The following DNAH10 variants were observed in gnomAD, a reference collection of about 807,000 sequenced individuals.
DNAH10 encodes dynein axonemal heavy chain 10, also known as axonemal beta dynein heavy chain 10.
A neutral mutation model predicts 506.6 loss-of-function variants in DNAH10; 348 were observed. The ratio of observed to expected loss-of-function variants is 0.69; its 90% CI spans 0.63 to 0.75. The LOEUF (loss-of-function observed/expected upper bound fraction) is 0.75, where lower values mean the gene tolerates loss of function less well. Ranked by LOEUF, DNAH10 falls within the 30% of genes least tolerant of loss-of-function variation. The pLI is 0.00. For missense variants in DNAH10, 5,179 were observed against 5,787.1 expected (o/e 0.89, Z 3.41); for synonymous variants, 2,059 against 2,198.6 (o/e 0.94, Z 1.78).
chr12:123,767,673 C>T lies in DNAH10; in HGVS notation c.282C>T (p.Ser94=), dbSNP rs540418450. The T allele has an allele frequency of 2.9e-5, 46 of 1,611,548 alleles. No homozygotes were observed. In the Middle Eastern group the frequency reaches 5.0e-4, roughly 17 times the overall value. The change falls in exon 2 of 79, where the codon TCC becomes TCT. Residue 94 remains serine, a synonymous_variant. Transcript: ENST00000673944. ...EEETYSQKVE[S]VDKVRAKRVS... is the part of the protein sequence containing the mutation. ...AGACTTATTCTCAAAAAGTGGAGTC[C>T]GTGGATAAAGTGCGAGGTGTGGAGT...
chr12:123,893,088 G>T (rs1953060523), intron 52 of DNAH10, 145 bp from the exon 53 acceptor site: 1 of 817,262 alleles, frequency 1.2e-6, no homozygotes. Context: ...GTGGCAGGGA[G>T]CCTCGGGTCT....
intron 15 of DNAH10, 91 bp downstream of exon 15, chr12:123,800,479 G>T (rs1017722854): frequency 1.6e-6 from 2 of 1,225,544 alleles, no homozygotes; most frequent in East Asian, 2.4e-5. Flanking sequence ...CCCTCCAAAA[G>T]CTTTCATTTT....
chr12:123,931,474 T>A lies in DNAH10; in HGVS notation c.12916+2T>A. ...TGCTGGAGCTGCAGCCTCAGACAGG[T>A]AAACTCTACTCAGGAGGACTTCATT... On this transcript the variant is annotated splice_donor_variant, in intron 74 of 78. Coordinates refer to ENST00000673944, the MANE Select transcript of DNAH10 (RefSeq NM_001372106.1). LOFTEE classifies it high-confidence loss of function. The A allele has an allele frequency of 6.2e-7, 1 of 1,613,386 alleles. No individual in the cohort carries two copies. The highest frequency in any genetic ancestry group is 1.1e-5 in the South Asian group (1 of 91,006).
rs923484856 is a variant in DNAH10 at position 123,851,091 on chromosome 12, C to T, written c.6291+15C>T. The T allele has an allele frequency of 1.3e-6, 2 of 1,587,118 alleles. No homozygotes were observed. The highest frequency in any genetic ancestry group is 1.7e-6 in the Non-Finnish European group (2 of 1,164,568). ...TGGAGGCCAAGGTGGGGGGCCTTGG[C>T]AGCGCCAGGTCGTGCAGTGCAGACT... is the stretch of plus-strand genomic sequence containing the variant. On this transcript the variant is annotated intron_variant, in intron 35 of 78. Transcript: ENST00000673944.
At chr12:123,843,404 G>A (rs142933380) in intron 30 of DNAH10, among the ~76,000 whole-genome samples, 3 of 152,214 alleles carry the variant, frequency 2.0e-5, no homozygotes, top group African/African-American at 4.8e-5. Context: ...TACAAGGCCC[G>A]TCTTTGTTCA....
chr12:123,916,789 G>A lies in DNAH10; in HGVS notation c.11002+53G>A, dbSNP rs763349176. 3.8e-5 allele frequency: 58 copies of A among 1,538,620 alleles called. No individual in the cohort carries two copies. The highest frequency in any genetic ancestry group is 1.0e-4 in the South Asian group (8 of 79,258). On this transcript the variant is annotated intron_variant, in intron 63 of 78. Transcript: ENST00000673944. The surrounding 1 kb of genome is among the most constrained non-coding windows in gnomAD (Gnocchi z 4.6). The stretch of plus-strand genomic sequence containing the variant: ...AATTCAGATGGTTATGAGGGAGACC[G>A]CAACCTCAGATCAAGGCATTCATGG...
chr12:123,883,304 G>T (rs148744619), intron 51 of DNAH10, among the ~76,000 whole-genome samples: 1 of 152,184 alleles, frequency 6.6e-6, no homozygotes, highest in Non-Finnish European at 1.5e-5. Context: ...TGGCTGCACC[G>T]TTTTCCATTC....
rs1380883149 is a variant in DNAH10, at chr12:123,830,666, C to T, written c.4512C>T (p.Val1504=). The T allele has an allele frequency of 1.9e-6, 3 of 1,612,688 alleles. No homozygotes were observed. The highest frequency in any genetic ancestry group is 2.5e-6 in the Non-Finnish European group (3 of 1,179,394). The change falls in exon 26 of 79, where the codon GTC becomes GTT. Residue 1504 remains valine, a synonymous_variant. Coordinates refer to ENST00000673944, the MANE Select transcript of DNAH10 (RefSeq NM_001372106.1). Reference sequence around the variant, plus strand: ...ACACAGATGTTCTCAATGAGATTGTCACAGCAGCAATCAAGGAGGTTGCCA... The same window carrying T: ...ACACAGATGTTCTCAATGAGATTGTTACAGCAGCAATCAAGGAGGTTGCCA... ...HKHTDVLNEI[V]TAAIKEVAIE...
chr12:123,870,580 C>T, intron 44 of DNAH10, 95 bp downstream of exon 44: 3 of 1,473,654 alleles, frequency 2.0e-6, no homozygotes, highest in African/African-American at 2.8e-5. Flanking sequence ...CTCTGGTACT[C>T]TAAGTCCCAC....
In DNAH10 at chr12:123,919,617, C is replaced by T. The variant is rs1248204288; in HGVS notation, c.11506+668C>T. ...TCCCATACCCATTAGCAGTCACCCC[C>T]TGGCCCCCCACTCCTAGTCCCTGGC... On this transcript the variant is annotated intron_variant, in intron 65 of 78. Coordinates refer to ENST00000673944, the MANE Select transcript of DNAH10 (RefSeq NM_001372106.1). The surrounding 1 kb of genome is among the most constrained non-coding windows in gnomAD (Gnocchi z 4.9). Among the ~76,000 whole-genome samples the T allele has an allele frequency of 1.3e-5, 2 of 152,220 alleles. No individual in the cohort carries two copies. Among genetic ancestry groups the T allele is most frequent in the Non-Finnish European group, 2.9e-5 (2 of 68,042 alleles).
At chr12:123,769,821 A>G (rs1352645565) in intron 2 of DNAH10, among the ~76,000 whole-genome samples, 3 of 151,364 alleles carry the variant, frequency 2.0e-5, no homozygotes, top group African/African-American at 7.3e-5. Flanking sequence ...TGGTGTGATC[A>G]TAGTGCCCTG....
At chr12:123,897,720 G>A (rs1467839915) in intron 54 of DNAH10, 50 bp from the exon 55 acceptor site, 25 of 1,585,138 alleles carry the variant, frequency 1.6e-5, no homozygotes, top group Non-Finnish European at 2.1e-5. Flanking sequence ...GTGAGACCCT[G>A]TGTCGAAAAA....
At chr12:123,914,297 C>CTGT (rs776499220) in intron 60 of DNAH10, 32 bp from the exon 61 acceptor site, 2 of 1,516,800 alleles carry the variant, frequency 1.3e-6, no homozygotes, top group South Asian at 1.2e-5. Flanking sequence ...AGAAGGTAAA[C>CTGT]TCACGGCAGC....
intron 53 of DNAH10, 41 bp downstream of exon 53, chr12:123,893,477 G>C: frequency 6.2e-7 from 1 of 1,609,156 alleles, no homozygotes; most frequent in Non-Finnish European, 8.5e-7. Flanking sequence ...CCCCTGCTTT[G>C]GCAGAGTGTG....
At chr12:123,880,510 T>G (rs1952458325) in intron 50 of DNAH10, among the ~76,000 whole-genome samples, 2 of 151,928 alleles carry the variant, frequency 1.3e-5, no homozygotes, top group African/African-American at 4.8e-5. Flanking sequence ...CAGCTGATTT[T>G]TTTGTTTTTA....
Position 123,933,506 on chromosome 12 carries a change from G to A in DNAH10, c.13472G>A (p.Gly4491Glu). 1.9e-6 allele frequency: 3 copies of A among 1,599,370 alleles called. No individual in the cohort carries two copies. Among genetic ancestry groups the A allele is most frequent in the South Asian group, 2.2e-5 (2 of 89,580 alleles). ...GCAGATGAAGTGAATGAGCGGGCGG[G>A]ACAAGGTACCGTCAGCTCGTTAGGG... is the stretch of plus-strand genomic sequence containing the variant. ...QDADEVNERAGQGCFVSGLYL... is the reference protein window; with the variant it reads ...QDADEVNERAEQGCFVSGLYL... Residue 4491 changes from glycine (G) to glutamate (E), a missense_variant, in exon 77 of 79, where the codon GGA becomes GAA. Gly to Glu is a moderately conservative substitution (Grantham distance 98). This residue lies in a region of DNAH10 where 4,844 missense variants were observed against 5,430.5 expected (regional missense o/e 0.89). Transcript: ENST00000673944.
chr12:123,805,731 A>G (rs1174932702), intron 18 of DNAH10, among the ~76,000 whole-genome samples: 1 of 150,964 alleles, frequency 6.6e-6, no homozygotes, highest in African/African-American at 2.4e-5. Flanking sequence ...AAATGACTCT[A>G]GTTCCTTCTT....
intron 30 of DNAH10, among the ~76,000 whole-genome samples, chr12:123,843,232 C>T (rs574991270): frequency 3.9e-5 from 6 of 152,318 alleles, no homozygotes; most frequent in Admixed American, 1.3e-4. Flanking sequence ...TTGACATGAG[C>T]ATGTGGTTTT....
chr12:123,905,628 C>CT (rs79348271), intron 57 of DNAH10, among the ~76,000 whole-genome samples: 90 of 143,668 alleles, frequency 6.3e-4, no homozygotes, highest in Middle Eastern at 3.7e-3. Flanking sequence ...TGAAGCTGGC[C>CT]TTTTTTTTTT....
Sources: allele counts gnomAD v4.1 joint callset (sites outside exome capture counted in the v4.1 genomes callset), GRCh38; gene constraint gnomAD v4.1.1; regional missense constraint gnomAD v4.1.1; non-coding constraint Gnocchi (gnomAD v3.1); transcripts MANE v1.5; gene names NCBI Gene and HGNC (gene_info 2026-07-23, HGNC 2026-07-21).